Variants in PLPP3 observed in about 807,000 individuals in gnomAD.
PLPP3 encodes phospholipid phosphatase 3.
A neutral mutation model predicts 29.6 loss-of-function variants in PLPP3; 6 were observed. The ratio of observed to expected loss-of-function variants is 0.20; its 90% CI spans 0.11 to 0.40. PLPP3 has a LOEUF of 0.40. Ranked by LOEUF, PLPP3 falls within the 10% of genes least tolerant of loss-of-function variation. The pLI is 1.00. For synonymous variants in PLPP3, 152 were observed against 159.7 expected (o/e 0.95, Z 0.36); for missense variants, 308 against 407.7 (o/e 0.76, Z 2.11).
intron 5 of PLPP3, among the ~76,000 whole-genome samples, chr1:56,504,383 T>C (rs1440621205): frequency 6.6e-6 from 1 of 152,084 alleles, no homozygotes; most frequent in Non-Finnish European, 1.5e-5. Context: ...TCATAGGCTA[T>C]TAGGGAGGGT....
chr1:56,527,460 A>C (rs1417626086), intron 2 of PLPP3, among the ~76,000 whole-genome samples: 1 of 151,852 alleles, frequency 6.6e-6, no homozygotes, highest in Non-Finnish European at 1.5e-5. Context: ...AGGTATTCTG[A>C]CTCTTAAGCT....
intron 1 of PLPP3, among the ~76,000 whole-genome samples, chr1:56,545,980 A>G (rs935158415): frequency 2.0e-5 from 3 of 152,226 alleles, no homozygotes; most frequent in African/African-American, 7.2e-5. Context: ...ACTGAGCTAC[A>G]TGGCCCGCGA....
chr1:56,502,250 G>T (rs987990450), intron 5 of PLPP3, among the ~76,000 whole-genome samples: 2 of 152,156 alleles, frequency 1.3e-5, no homozygotes, highest in South Asian at 2.1e-4. Flanking sequence ...GAGTGTAAGT[G>T]AACTCCTTGA....
At chr1:56,516,341 C>T (rs1340995829) in intron 4 of PLPP3, among the ~76,000 whole-genome samples, 1 of 152,102 alleles carries the variant, frequency 6.6e-6, no homozygotes, top group Non-Finnish European at 1.5e-5. Flanking sequence ...ACTCTGGAGG[C>T]TCCATTTATT....
chr1:56,545,495 T>C (rs1645999769), intron 1 of PLPP3, among the ~76,000 whole-genome samples: 1 of 152,076 alleles, frequency 6.6e-6, no homozygotes, highest in South Asian at 2.1e-4. Context: ...GGGAAAAGCA[T>C]GCTCATGAAG....
rs1470212238 is a variant in PLPP3, at chr1:56,579,365, G to C, written c.-349C>G. 3.6e-6 allele frequency: 1 copy of C among 275,792 alleles called. No individual in the cohort carries two copies. The highest frequency in any genetic ancestry group is 6.8e-6 in the Non-Finnish European group (1 of 146,286). The allele number at this position is 275,792 out of a possible 1,614,324, so 17.1% of individuals were successfully genotyped here. A position where few individuals can be genotyped will look rare whatever the true frequency, so the allele number is the denominator to read the frequency against. On this transcript the variant is annotated 5_prime_UTR_variant, in exon 1 of 6. Coordinates refer to ENST00000371250, the MANE Select transcript of PLPP3 (RefSeq NM_003713.5). ...GAGTGCGCGAGCGAGCGAGTGGGCAGCGCGGGCGCTCGGCCACCTTCCTCC... is the reference window on the plus strand; with the variant it reads ...GAGTGCGCGAGCGAGCGAGTGGGCACCGCGGGCGCTCGGCCACCTTCCTCC...
chr1:56,530,248 C>T (rs936813886), intron 2 of PLPP3, among the ~76,000 whole-genome samples: 2 of 152,026 alleles, frequency 1.3e-5, no homozygotes, highest in Non-Finnish European at 2.9e-5. Context: ...GTGGGTCTTC[C>T]CTAGGATTGT....
intron 4 of PLPP3, among the ~76,000 whole-genome samples, chr1:56,520,910 C>CAAAAAAA (rs1169318077): frequency 4.0e-4 from 25 of 61,910 alleles, no homozygotes; most frequent in Non-Finnish European, 5.9e-4. Flanking sequence ...GACTCCATCT[C>CAAAAAAA]AAAAAAAAAA....
intron 1 of PLPP3, among the ~76,000 whole-genome samples, chr1:56,571,342 T>G (rs1488633556): frequency 6.6e-6 from 1 of 152,150 alleles, no homozygotes; most frequent in East Asian, 1.9e-4. Flanking sequence ...AGAATCTCAT[T>G]TCGTAAATGA....
chr1:56,556,926 A>AAGAGAGAG (rs777875866), intron 1 of PLPP3, among the ~76,000 whole-genome samples: 1 of 124,424 alleles, frequency 8.0e-6, no homozygotes, highest in African/African-American at 3.4e-5. Context: ...GGGAGAAAGA[A>AAGAGAGAG]AGAGAGAGAG....
At chr1:56,526,539 A>C (rs1257061419) in intron 2 of PLPP3, among the ~76,000 whole-genome samples, 1 of 152,152 alleles carries the variant, frequency 6.6e-6, no homozygotes, top group Non-Finnish European at 1.5e-5. Context: ...GTTTATTACC[A>C]CAATCATGTT....
intron 2 of PLPP3, among the ~76,000 whole-genome samples, chr1:56,529,008 A>C (rs1645869987): frequency 6.6e-6 from 1 of 151,794 alleles, no homozygotes; most frequent in Non-Finnish European, 1.5e-5. Context: ...AGAGACTGAG[A>C]ACTCATCTTC....
At chr1:56,527,887 T>G (rs1645862155) in intron 2 of PLPP3, among the ~76,000 whole-genome samples, 1 of 152,044 alleles carries the variant, frequency 6.6e-6, no homozygotes, top group Non-Finnish European at 1.5e-5. Flanking sequence ...AACTCTCGAG[T>G]CCCAGATTTA....
chr1:56,514,273 A>G (rs561957654), intron 4 of PLPP3, among the ~76,000 whole-genome samples: 3 of 151,908 alleles, frequency 2.0e-5, no homozygotes, highest in East Asian at 1.9e-4. Context: ...CCAGAATCCT[A>G]AAGGTGAATG....
chr1:56,505,975 T>C (rs1161012833), intron 5 of PLPP3, among the ~76,000 whole-genome samples: 1 of 152,172 alleles, frequency 6.6e-6, no homozygotes, highest in Non-Finnish European at 1.5e-5. Context: ...CCCACATCCA[T>C]GTTTCTGCCT....
chr1:56,531,990 G>A (rs1012057738), intron 2 of PLPP3, among the ~76,000 whole-genome samples: 5 of 152,104 alleles, frequency 3.3e-5, no homozygotes, highest in Non-Finnish European at 5.9e-5. Flanking sequence ...ACTTCAAATG[G>A]AGCATATCAT....
At chr1:56,567,118 TCA>T (rs1646166099) in intron 1 of PLPP3, among the ~76,000 whole-genome samples, 1 of 152,224 alleles carries the variant, frequency 6.6e-6, no homozygotes, top group Non-Finnish European at 1.5e-5. Flanking sequence ...AGTCTGTACG[TCA>T]CAGTCACAGC....
intron 1 of PLPP3, among the ~76,000 whole-genome samples, chr1:56,551,241 C>T (rs571255356): frequency 9.8e-5 from 13 of 132,236 alleles, no homozygotes; most frequent in Admixed American, 5.6e-4. Flanking sequence ...GTTAATCAAG[C>T]GAACACCAGA....
At chr1:56,497,823 TCA>T (rs1645640161) in intron 5 of PLPP3, among the ~76,000 whole-genome samples, 1 of 152,224 alleles carries the variant, frequency 6.6e-6, no homozygotes, top group South Asian at 2.1e-4. Context: ...AAACTCATTT[TCA>T]CAGTGTCCCT....
Sources: allele counts gnomAD v4.1 joint callset (sites outside exome capture counted in the v4.1 genomes callset), GRCh38; gene constraint gnomAD v4.1.1; transcripts MANE v1.5; gene names NCBI Gene and HGNC (gene_info 2026-07-23, HGNC 2026-07-21).